Variants in PEMT observed in about 807,000 individuals in gnomAD.
PEMT encodes the protein phosphatidylethanolamine N-methyltransferase.
A neutral mutation model predicts 27.4 loss-of-function variants in PEMT; 23 were observed. That is an observed-to-expected ratio of 0.84 (90% confidence interval 0.60 to 1.19). The LOEUF (loss-of-function observed/expected upper bound fraction) is 1.19. Among genes scored for constraint, PEMT ranks in the 50% most tolerant of loss-of-function variants. The pLI is 0.00. For missense variants in PEMT, 307 were observed against 310.1 expected (o/e 0.99, Z 0.07); for synonymous variants, 137 against 139.1 (o/e 0.98, Z 0.11).
rs187428036 is a variant in PEMT at position 17,523,777 on chromosome 17, C to T, written c.205-1382G>A. On this transcript the variant is annotated intron_variant, in intron 2 of 6. Coordinates refer to ENST00000255389, the MANE Select transcript of PEMT (RefSeq NM_148172.3). The surrounding 1 kb of genome is among the most constrained non-coding windows in gnomAD (Gnocchi z 4.8). ...GAGGAGCAGTCTGCAGAGAGCACCGCGGGGGCCCAGGACCACAGCCTGCTT... is the reference window on the plus strand; with the variant it reads ...GAGGAGCAGTCTGCAGAGAGCACCGTGGGGGCCCAGGACCACAGCCTGCTT... Among the ~76,000 whole-genome samples the T allele has an allele frequency of 6.4e-4, 98 of 152,182 alleles. No homozygotes were observed. The East Asian group carries it at 0.017, about 26-fold the overall frequency.
chr17:17,550,483 C>A (rs746007339), intron 2 of PEMT, among the ~76,000 whole-genome samples: 10 of 152,176 alleles, frequency 6.6e-5, no homozygotes, highest in Non-Finnish European at 1.2e-4. Flanking sequence ...CCCTTCCCCC[C>A]ACTCCCCGCA....
chr17:17,591,649 C>A lies in PEMT; in HGVS notation c.-23G>T. 1 of 1,601,268 alleles carries A rather than the reference C, an allele frequency of 6.2e-7. No homozygotes were observed. Among genetic ancestry groups the A allele is most frequent in the South Asian group, 1.1e-5 (1 of 89,330 alleles). ...CATCCGGGGGCCGCCTCAGGAGGCA[C>A]CACGCGGGCCCCGCTGCAGCCACGC... On this transcript the variant is annotated 5_prime_UTR_variant, in exon 1 of 7. Coordinates refer to ENST00000255389, the MANE Select transcript of PEMT (RefSeq NM_148172.3).
At chr17:17,571,892 T>A (rs1911229640) in intron 2 of PEMT, among the ~76,000 whole-genome samples, 1 of 152,070 alleles carries the variant, frequency 6.6e-6, no homozygotes, top group Non-Finnish European at 1.5e-5. Flanking sequence ...AGAGATGACA[T>A]TTCACCACGT....
At chr17:17,547,466 C>T (rs1281159858) in intron 2 of PEMT, among the ~76,000 whole-genome samples, 2 of 152,210 alleles carry the variant, frequency 1.3e-5, no homozygotes, top group Admixed American at 6.5e-5. Flanking sequence ...TAACCTGGAG[C>T]GAGGGCAGTC....
chr17:17,556,451 G>A (rs913537455), intron 2 of PEMT, among the ~76,000 whole-genome samples: 1 of 151,706 alleles, frequency 6.6e-6, no homozygotes, highest in African/African-American at 2.4e-5. Context: ...TTGGCTCACT[G>A]CAACTCCCGC....
At chr17:17,518,024 T>C (rs1715147152) in intron 3 of PEMT, 1 of 985,354 alleles carries the variant, frequency 1.0e-6, no homozygotes. Flanking sequence ...GAGGCCAGGA[T>C]GCAGCTTCTT....
intron 3 of PEMT, chr17:17,517,956 A>G (rs1906966757): frequency 1.0e-6 from 1 of 985,214 alleles, no homozygotes; most frequent in South Asian, 4.7e-5. Flanking sequence ...GGTGCCTCCT[A>G]GCCCAGCCTG....
At chr17:17,507,558 G>A (rs918722069) in intron 5 of PEMT, 5 of 286,566 alleles carry the variant, frequency 1.7e-5, no homozygotes, top group Middle Eastern at 1.0e-3. Context: ...AACCAGCAGC[G>A]ACCCCACTGT....
chr17:17,535,339 G>A (rs868399721), intron 2 of PEMT, among the ~76,000 whole-genome samples: 3 of 152,152 alleles, frequency 2.0e-5, no homozygotes, highest in East Asian at 1.9e-4. Flanking sequence ...AGGCCGAGGC[G>A]GGTGGATCAC....
At chr17:17,572,644 G>A (rs184292695) in intron 2 of PEMT, among the ~76,000 whole-genome samples, 2 of 152,352 alleles carry the variant, frequency 1.3e-5, no homozygotes, top group African/African-American at 4.8e-5. Context: ...CACCGGCAGT[G>A]CTATACATTC....
At chr17:17,583,259 C>A (rs1363423504) in intron 1 of PEMT, among the ~76,000 whole-genome samples, 1 of 151,740 alleles carries the variant, frequency 6.6e-6, no homozygotes, top group Non-Finnish European at 1.5e-5. Flanking sequence ...ACCTGTAATC[C>A]CAGCTACTGG....
At chr17:17,551,274 T>C (rs926333293) in intron 2 of PEMT, among the ~76,000 whole-genome samples, 1 of 152,240 alleles carries the variant, frequency 6.6e-6, no homozygotes, top group Non-Finnish European at 1.5e-5. Context: ...AGGGGCACAT[T>C]GTCACTATCT....
At position 17,587,688 on chromosome 17, in the gene PEMT, G is replaced by A. The variant is rs540495546; in HGVS notation, c.96+3843C>T. 9.9e-5 allele frequency among the ~76,000 whole-genome samples: 15 copies of A among 151,966 alleles called. No individual in the cohort carries two copies. The South Asian group carries it at 2.1e-3, about 21-fold the overall frequency. ...GACCAGCCTGGCCAACAACCCTGTC[G>A]CTACTAAAAATACAAAAAACAAAAC... On this transcript the variant is annotated intron_variant, in intron 1 of 6. Transcript: ENST00000255389.
At chr17:17,511,527 C>T (rs1488995106) in intron 4 of PEMT, among the ~76,000 whole-genome samples, 4 of 152,246 alleles carry the variant, frequency 2.6e-5, no homozygotes, top group Non-Finnish European at 5.9e-5. Context: ...TAGCCGGCAT[C>T]TGAGGATGGG....
In PEMT at chr17:17,522,269, G is replaced by C. The variant is rs373648031; in HGVS notation, c.320+11C>G. 114 of 1,587,758 alleles carry C rather than the reference G, an allele frequency of 7.2e-5. 1 individual carries two copies. The Middle Eastern group carries it at 6.6e-3, about 92-fold the overall frequency. On this transcript the variant is annotated intron_variant, in intron 3 of 6. Coordinates refer to ENST00000255389, the MANE Select transcript of PEMT (RefSeq NM_148172.3). ...GGGGTTGTGGCTCCCCAGTGAGAGA[G>C]CTGTGCTTACCAGTGCGAGCGCAGG... is the stretch of plus-strand genomic sequence containing the variant.
intron 2 of PEMT, among the ~76,000 whole-genome samples, chr17:17,546,114 C>T (rs1371185997): frequency 2.0e-5 from 3 of 152,072 alleles, no homozygotes; most frequent in Non-Finnish European, 4.4e-5. Flanking sequence ...CAGGTGGGGC[C>T]GAGCCTCCCC....
chr17:17,519,400 T>C (rs956762089), intron 3 of PEMT, among the ~76,000 whole-genome samples: 3 of 152,234 alleles, frequency 2.0e-5, no homozygotes, highest in African/African-American at 7.2e-5. Context: ...GCTGGGCAGA[T>C]GCCAGGTGAG....
At chr17:17,530,943 T>TGAGGCAGGAGAATTGCTTG (rs1265751816) in intron 2 of PEMT, among the ~76,000 whole-genome samples, 1 of 150,724 alleles carries the variant, frequency 6.6e-6, no homozygotes, top group Admixed American at 6.6e-5. Flanking sequence ...CTCGGGAGGC[T>TGAGGCAGGAGAATTGCTTG]GAGGCAGGAG....
chr17:17,586,243 AG>A (rs1912266666), intron 1 of PEMT, among the ~76,000 whole-genome samples: 7 of 104,470 alleles, frequency 6.7e-5, no homozygotes, highest in African/African-American at 3.3e-4. Context: ...AAAGAAAGAA[AG>A]AAAGAAAGAA....
Sources: gnomAD v4.1 joint callset for allele counts (sites outside exome capture counted in the v4.1 genomes callset) on GRCh38, gnomAD v4.1.1 for gene constraint, Gnocchi (gnomAD v3.1) non-coding constraint, MANE v1.5 for transcripts, NCBI Gene and HGNC (gene_info 2026-07-23, HGNC 2026-07-21) for gene names.